Variants in PTPN13 observed in about 807,000 individuals in gnomAD.
PTPN13 encodes the protein protein tyrosine phosphatase non-receptor type 13.
Under a neutral mutation model 284.0 loss-of-function variants are expected in PTPN13, and 191 were observed. That is an observed-to-expected ratio of 0.67 (90% CI 0.60 to 0.76). PTPN13 has a LOEUF of 0.76. Ranked by LOEUF, PTPN13 falls within the 30% of genes least tolerant of loss-of-function variation. The pLI is 0.00. For synonymous variants in PTPN13, 986 were observed against 1,022.3 expected, an observed-to-expected ratio of 0.96 and a Z score of 0.68; for missense variants, 2,797 against 2,939.9, an observed-to-expected ratio of 0.95 and a Z score of 1.12.
chr4:86,734,836 C>T lies in PTPN13; in HGVS notation c.2112C>T (p.Ser704=), dbSNP rs1279328211. 2.5e-6 allele frequency: 4 copies of T among 1,613,216 alleles called. No homozygotes were observed. Among genetic ancestry groups the T allele is most frequent in the Admixed American group, 3.3e-5 (2 of 59,992 alleles). ...ATGAGACTTCCTTATTGCTGGCATC[C>T]TTGGCTCTCCAGGCTGAGTATGGAG... ...CDDETSLLLA[S]LALQAEYGDY... The change falls in exon 14 of 48, where the codon TCC becomes TCT. Residue 704 remains serine, a synonymous_variant. Transcript: ENST00000411767.
chr4:86,625,486 T>C (rs564849753), intron 1 of PTPN13, among the ~76,000 whole-genome samples: 1 of 152,286 alleles, frequency 6.6e-6, no homozygotes, highest in African/African-American at 2.4e-5. Context: ...CATTATGATA[T>C]TTAACACAAT....
chr4:86,791,885 C>A (rs879624247), intron 40 of PTPN13, among the ~76,000 whole-genome samples: 11 of 152,068 alleles, frequency 7.2e-5, no homozygotes, highest in Non-Finnish European at 1.3e-4. Flanking sequence ...TAGATAAAAC[C>A]ACAAAGATGG....
intron 5 of PTPN13, chr4:86,689,663 T>G (rs749654317): frequency 1.3e-4 from 91 of 702,362 alleles, no homozygotes; most frequent in Non-Finnish European, 1.5e-4. Flanking sequence ...CTCGGAACAC[T>G]GCTACCTAGT....
chr4:86,695,222 CAG>C (rs1364163322), intron 6 of PTPN13, among the ~76,000 whole-genome samples: 2 of 151,924 alleles, frequency 1.3e-5, no homozygotes, highest in African/African-American at 4.8e-5. Context: ...CTGGTTAGAT[CAG>C]AGTTTTTTTC....
chr4:86,751,567 A>C (rs908025865), intron 19 of PTPN13, among the ~76,000 whole-genome samples: 3 of 152,110 alleles, frequency 2.0e-5, no homozygotes, highest in Non-Finnish European at 4.4e-5. Flanking sequence ...GGGTCTGCCC[A>C]CCTTGGCCTC....
chr4:86,741,589 C>A, intron 15 of PTPN13, 45 bp from the exon 16 acceptor site: 1 of 1,524,748 alleles, frequency 6.6e-7, no homozygotes, highest in Non-Finnish European at 9.0e-7. Context: ...CTTTATGTCA[C>A]CATTTACCAA....
At chr4:86,655,633 C>CT (rs1384802420) in intron 2 of PTPN13, among the ~76,000 whole-genome samples, 1 of 152,196 alleles carries the variant, frequency 6.6e-6, no homozygotes, top group African/African-American at 2.4e-5. Flanking sequence ...ATGGGCTTCC[C>CT]TTTGAGGGTA....
chr4:86,743,553 A>G (rs1736399654), intron 16 of PTPN13, among the ~76,000 whole-genome samples: 1 of 152,172 alleles, frequency 6.6e-6, no homozygotes, highest in Non-Finnish European at 1.5e-5. Context: ...GTTTGTTGCT[A>G]CTGTATCTTT....
chr4:86,689,295 A>G, intron 5 of PTPN13, 105 bp downstream of exon 5: 3 of 880,144 alleles, frequency 3.4e-6, no homozygotes, highest in Non-Finnish European at 5.2e-6. Flanking sequence ...CTCAATGAAG[A>G]CTAGAAATGG....
chr4:86,725,780 C>G (rs1014790979), intron 10 of PTPN13, among the ~76,000 whole-genome samples: 9 of 149,530 alleles, frequency 6.0e-5, no homozygotes, highest in African/African-American at 2.0e-4. Context: ...CCTGTTCACG[C>G]TGATGGTAGT....
At chr4:86,632,374 A>G (rs918537994) in intron 1 of PTPN13, among the ~76,000 whole-genome samples, 4 of 152,170 alleles carry the variant, frequency 2.6e-5, no homozygotes, top group Non-Finnish European at 5.9e-5. Context: ...CAAGGCAAAC[A>G]GTTTTTGTTG....
Position 86,741,718 on chromosome 4 carries a change from G to A in PTPN13, c.2389G>A (p.Val797Ile), listed in dbSNP as rs28694264. The A allele has an allele frequency of 1.9e-3, 3,036 of 1,613,646 alleles. 5 individuals carry two copies. The highest frequency in any genetic ancestry group is 2.2e-3 in the Non-Finnish European group (2,570 of 1,179,742). The change falls in exon 16 of 48, where the codon GTC becomes ATC. Residue 797 changes from valine (V) to isoleucine (I), a missense_variant. Physicochemically the swap from Val to Ile is conservative, Grantham distance 29 (BLOSUM62 3). Transcript: ENST00000411767. ...GTCACAAACAGGAATATTGCTTGGA[G>A]TCTGTTCTAAAGGTGTCCTTGTGTT... is the stretch of plus-strand genomic sequence containing the variant. ...KKSQTGILLG[V>I]CSKGVLVFEV...
At position 86,708,929 on chromosome 4, in the gene PTPN13, CCT is replaced by C. The variant is rs202072702; in HGVS notation, c.1195+7129_1195+7130del. On this transcript the variant is annotated intron_variant, in intron 7 of 47. Coordinates refer to ENST00000411767, the MANE Select transcript of PTPN13 (RefSeq NM_080683.3). The stretch of plus-strand genomic sequence containing the variant: ...CATACTATCATTCTCTCCCTTTCTC[CCT>C]GTCTCCCTCCCTCCCTTTTTCTTTC... Among the ~76,000 whole-genome samples the C allele has an allele frequency of 6.8e-3, 1,039 of 151,862 alleles. 9 individuals carry two copies. Among genetic ancestry groups the C allele is most frequent in the Non-Finnish European group, 0.011 (778 of 67,852 alleles).
intron 42 of PTPN13, 118 bp from the exon 43 acceptor site, chr4:86,803,591 T>G (rs1272162872): frequency 1.8e-6 from 2 of 1,102,128 alleles, no homozygotes; most frequent in Non-Finnish European, 2.6e-6. Flanking sequence ...AGATTCTATC[T>G]CTAAATAAAT....
intron 2 of PTPN13, among the ~76,000 whole-genome samples, chr4:86,638,666 A>T (rs1181043918): frequency 6.6e-6 from 1 of 152,228 alleles, no homozygotes. Flanking sequence ...TACACCTTAT[A>T]CAAAAATTAA....
chr4:86,699,369 G>C (rs768149985), intron 6 of PTPN13, among the ~76,000 whole-genome samples: 1 of 151,806 alleles, frequency 6.6e-6, no homozygotes, highest in Non-Finnish European at 1.5e-5. Flanking sequence ...CTGGGAGACG[G>C]AGCGAGACTC....
chr4:86,686,013 T>TA (rs1729412166), intron 3 of PTPN13, among the ~76,000 whole-genome samples: 1 of 152,164 alleles, frequency 6.6e-6, no homozygotes, highest in Non-Finnish European at 1.5e-5. Context: ...ATATACCATT[T>TA]AAAAAAATAA....
intron 6 of PTPN13, among the ~76,000 whole-genome samples, chr4:86,694,602 A>G (rs1730400894): frequency 1.3e-5 from 2 of 150,882 alleles, no homozygotes; most frequent in Non-Finnish European, 3.0e-5. Context: ...AAAAAAAAAA[A>G]AAGAATGGAA....
rs868803110 is a variant in PTPN13 at position 86,771,363 on chromosome 4, G to C, written c.4996G>C (p.Ala1666Pro). Reference protein sequence around the residue: ...SGSGEDDLVTAPANISNSTWS... With the variant: ...SGSGEDDLVTPPANISNSTWS... ...GAGTGGAGAAGATGACTTAGTGACA[G>C]CTCCAGCAAACATATCAAATTCGAC... The change falls in exon 31 of 48, where the codon GCT (alanine) becomes CCT (proline). Residue 1666 changes from alanine (A) to proline (P), a missense_variant. Transcript: ENST00000411767. 5 of 1,581,984 alleles carry C rather than the reference G, an allele frequency of 3.2e-6. No individual in the cohort carries two copies. The Middle Eastern group carries it at 6.6e-4, about 210-fold the overall frequency.
Sources: allele counts gnomAD v4.1 joint callset (sites outside exome capture counted in the v4.1 genomes callset), GRCh38; gene constraint gnomAD v4.1.1; transcripts MANE v1.5; gene names NCBI Gene and HGNC (gene_info 2026-07-23, HGNC 2026-07-21).